ADAM23: variants seen among roughly 807,000 people sequenced by gnomAD.
ADAM23 encodes ADAM metallopeptidase domain 23.
ADAM23 carries 33 observed loss-of-function variants against 120.1 expected under a neutral mutation model. That is an observed-to-expected ratio of 0.27 (90% CI 0.21 to 0.37). The LOEUF (loss-of-function observed/expected upper bound fraction) is 0.37, where lower values mean the gene tolerates loss of function less well. ADAM23 is among the 10% of genes least tolerant of loss of function. The pLI, the probability that ADAM23 is intolerant of heterozygous loss-of-function variation, is 1.00. For synonymous variants in ADAM23, 367 were observed against 375.2 expected, an observed-to-expected ratio of 0.98 and a Z score of 0.25; for missense variants, 862 against 1,058.2, an observed-to-expected ratio of 0.81 and a Z score of 2.57.
intron 13 of ADAM23, 96 bp downstream of exon 13, chr2:206,562,389 A>G: frequency 2.2e-6 from 2 of 893,860 alleles, no homozygotes; most frequent in South Asian, 1.9e-5. Context: ...TCCAGTCATT[A>G]TAGTTTAATT....
In ADAM23 at chr2:206,618,852, T is replaced by A. The variant is rs1698987141; in HGVS notation, c.*1225T>A. 1 of 152,234 alleles carries A rather than the reference T, an allele frequency of 6.6e-6. No homozygotes were observed. Among genetic ancestry groups the A allele is most frequent in the Non-Finnish European group, 1.5e-5 (1 of 68,048 alleles). 9.4% of individuals were successfully genotyped at this position (152,234 alleles called of 1,614,324 possible). On this transcript the variant is annotated 3_prime_UTR_variant, in exon 26 of 26. Transcript: ENST00000264377. ...TAAGAAAGTAGACACCCTTTCAGAT[T>A]AATCACAAAAGTGCCAAGCTCATGA...
chr2:206,523,632 T>TA (rs1696889504), intron 3 of ADAM23, among the ~76,000 whole-genome samples: 1 of 152,214 alleles, frequency 6.6e-6, no homozygotes, highest in South Asian at 2.1e-4. Flanking sequence ...GAGTCTATTT[T>TA]TTTTTTAAAA....
At chr2:206,444,122 G>T in intron 1 of ADAM23, 42 bp downstream of exon 1, 5 of 1,245,474 alleles carry the variant, frequency 4.0e-6, no homozygotes, top group Non-Finnish European at 5.0e-6. Context: ...TTTCCCGCGG[G>T]GCCCTGCAGA....
chr2:206,592,794 ATG>A lies in ADAM23; in HGVS notation c.2078+59_2078+60del. On this transcript the variant is annotated intron_variant, in intron 22 of 25. Coordinates refer to ENST00000264377, the MANE Select transcript of ADAM23 (RefSeq NM_003812.4). Reference sequence around the variant, plus strand: ...CCATGAGAATTACAAATTTCACAAAATGAAATTTCAAAAAAATCAGAAATCAA... The same window carrying A: ...CCATGAGAATTACAAATTTCACAAAAAAATTTCAAAAAAATCAGAAATCAA... 2.6e-6 allele frequency: 4 copies of A among 1,532,178 alleles called. No homozygotes were observed. The Admixed American group carries it at 6.2e-5, about 24-fold the overall frequency. 94.9% of individuals were successfully genotyped at this position (1,532,178 alleles called of 1,614,324 possible).
chr2:206,559,199 C>T (rs983228527), intron 10 of ADAM23, among the ~76,000 whole-genome samples: 1 of 152,194 alleles, frequency 6.6e-6, no homozygotes, highest in Non-Finnish European at 1.5e-5. Context: ...CCGCCTCGGC[C>T]TTCCAAAGTG....
chr2:206,508,242 G>A (rs62195947), intron 3 of ADAM23, among the ~76,000 whole-genome samples: 11 of 152,140 alleles, frequency 7.2e-5, no homozygotes, highest in Non-Finnish European at 1.6e-4. Context: ...TGTTAGCCAG[G>A]ATGGTCTTGA....
chr2:206,614,657 A>T (rs1698900390), intron 25 of ADAM23, among the ~76,000 whole-genome samples: 1 of 152,338 alleles, frequency 6.6e-6, no homozygotes, highest in South Asian at 2.1e-4. Context: ...TGTCTCAAAA[A>T]AAAAAAGAGT....
intron 5 of ADAM23, 27 bp from the exon 6 acceptor site, chr2:206,543,226 T>C (rs1374336989): frequency 1.2e-6 from 2 of 1,608,672 alleles, no homozygotes; most frequent in South Asian, 1.1e-5. Context: ...GTTTATTCCC[T>C]CCTTTGTGTG....
At chr2:206,444,546 G>C (rs1018021780) in intron 1 of ADAM23, among the ~76,000 whole-genome samples, 7 of 152,140 alleles carry the variant, frequency 4.6e-5, no homozygotes, top group African/African-American at 1.7e-4. Flanking sequence ...ACACTTCGGG[G>C]ACCAAAGAAT....
chr2:206,564,865 A>G (rs1697846299), intron 13 of ADAM23, among the ~76,000 whole-genome samples, 155 bp from the exon 14 acceptor site: 1 of 152,252 alleles, frequency 6.6e-6, no homozygotes, highest in South Asian at 2.1e-4. Flanking sequence ...TTGATTTAAA[A>G]GAAATTTTGT....
chr2:206,478,562 G>A (rs1695831619), intron 2 of ADAM23, among the ~76,000 whole-genome samples: 1 of 152,048 alleles, frequency 6.6e-6, no homozygotes, highest in Admixed American at 6.5e-5. Flanking sequence ...CAGAAATGGT[G>A]CTGAGTGAGT....
At chr2:206,559,231 A>AC (rs1278286962) in intron 10 of ADAM23, among the ~76,000 whole-genome samples, 3 of 152,214 alleles carry the variant, frequency 2.0e-5, no homozygotes, top group African/African-American at 7.2e-5. Context: ...GGCGTGAGCT[A>AC]CCGCGCCTGG....
In ADAM23 at chr2:206,480,150, C is replaced by T. The variant is rs77062283; in HGVS notation, c.433-1082C>T. Among the ~76,000 whole-genome samples, 1,386 of 152,122 alleles carry T rather than the reference C, an allele frequency of 9.1e-3. 20 individuals are homozygous for T. The highest frequency in any genetic ancestry group is 0.031 in the African/African-American group (1,295 of 41,480). The stretch of plus-strand genomic sequence containing the variant: ...AATAAAGTGCTTCCAAAGCCCTGAA[C>T]GTGAAGACTGTGTGAAGAAAGACTT... On this transcript the variant is annotated intron_variant, in intron 2 of 25. Transcript: ENST00000264377.
At chr2:206,519,731 G>T (rs995586415) in intron 3 of ADAM23, among the ~76,000 whole-genome samples, 1 of 152,118 alleles carries the variant, frequency 6.6e-6, no homozygotes, top group African/African-American at 2.4e-5. Context: ...AGAAGAACCA[G>T]CCTGGCAAGG....
chr2:206,524,567 A>G (rs1316214829), intron 3 of ADAM23, among the ~76,000 whole-genome samples: 1 of 152,250 alleles, frequency 6.6e-6, no homozygotes, highest in Non-Finnish European at 1.5e-5. Context: ...TAATGGACTC[A>G]CAGTTCCACC....
chr2:206,548,876 A>G (rs1697454690), intron 8 of ADAM23, among the ~76,000 whole-genome samples: 4 of 152,212 alleles, frequency 2.6e-5, no homozygotes, highest in African/African-American at 9.6e-5. Context: ...TATTAGCAAT[A>G]TAACAGTTTC....
chr2:206,544,471 TAGAC>T (rs1183676408), intron 6 of ADAM23, among the ~76,000 whole-genome samples: 2 of 152,106 alleles, frequency 1.3e-5, no homozygotes, highest in African/African-American at 2.4e-5. Flanking sequence ...GGTGACAAAA[TAGAC>T]AGAGATTGAG....
chr2:206,510,222 A>G (rs1696594059), intron 3 of ADAM23, among the ~76,000 whole-genome samples: 1 of 152,222 alleles, frequency 6.6e-6, no homozygotes, highest in Non-Finnish European at 1.5e-5. Flanking sequence ...GGGGCTTAAT[A>G]AATATTAAAT....
intron 2 of ADAM23, among the ~76,000 whole-genome samples, chr2:206,461,178 C>G (rs187035236): frequency 1.1e-3 from 164 of 151,350 alleles, no homozygotes; most frequent in Middle Eastern, 3.4e-3. Context: ...TCTCCTGCCT[C>G]AACCTCCTGA....
Sources: gnomAD v4.1 joint callset for allele counts (sites outside exome capture counted in the v4.1 genomes callset) on GRCh38, gnomAD v4.1.1 for gene constraint, MANE v1.5 for transcripts, NCBI Gene and HGNC (gene_info 2026-07-23, HGNC 2026-07-21) for gene names.